GRB10: variants seen among roughly 807,000 people sequenced by gnomAD.
GRB10 encodes growth factor receptor-bound protein 10.
GRB10 carries 20 observed loss-of-function variants against 80.9 expected under a neutral mutation model. The observed-to-expected ratio is 0.25, with a 90% confidence interval of 0.17 to 0.36. The LOEUF (loss-of-function observed/expected upper bound fraction) is 0.36, where lower values mean the gene tolerates loss of function less well. Among genes scored for constraint, GRB10 ranks in the 10% least tolerant of loss-of-function variants. The pLI, the probability that GRB10 is intolerant of heterozygous loss-of-function variation, is 1.00. For missense variants in GRB10, 548 were observed against 747.7 expected (o/e 0.73, Z 3.12); for synonymous variants, 291 against 291.5 (o/e 1.00, Z 0.02).
chr7:50,616,312 T>C lies in GRB10; in HGVS notation c.882A>G (p.Gln294=), dbSNP rs1476319071. 6.2e-7 allele frequency: 1 copy of C among 1,614,072 alleles called. No individual in the cohort carries two copies. The highest frequency in any genetic ancestry group is 1.3e-5 in the African/African-American group (1 of 74,936). ...CCAGCTCTTTCACATGCAAAAACCC[T>C]TGAATTTCAGGACAACTACTGGAGT... The part of the protein sequence containing the change: ...FLNSSSCPEI[Q]GFLHVKELGK... The change falls in exon 11 of 19, where the codon CAA becomes CAG. Residue 294 remains glutamine (Q), a synonymous_variant. Transcript: ENST00000401949.
intron 5 of GRB10, among the ~76,000 whole-genome samples, chr7:50,699,679 A>G (rs530987050): frequency 9.9e-4 from 151 of 152,314 alleles, no homozygotes; most frequent in Admixed American, 3.5e-3. Context: ...TGTTTTACTT[A>G]GACCTTTTGT....
chr7:50,735,698 T>C (rs866117640), intron 3 of GRB10, among the ~76,000 whole-genome samples: 1 of 152,144 alleles, frequency 6.6e-6, no homozygotes, highest in African/African-American at 2.4e-5. Context: ...TAATAAAAAC[T>C]AATTAAAACT....
At chr7:50,713,479 A>T (rs1340676546) in intron 4 of GRB10, among the ~76,000 whole-genome samples, 1 of 146,914 alleles carries the variant, frequency 6.8e-6, no homozygotes, top group Non-Finnish European at 1.5e-5. Flanking sequence ...CACTTCAACC[A>T]ACTCCTCTAC....
At chr7:50,648,196 G>A (rs904388510) in intron 7 of GRB10, among the ~76,000 whole-genome samples, 2 of 152,132 alleles carry the variant, frequency 1.3e-5, no homozygotes, top group African/African-American at 4.8e-5. Flanking sequence ...CAGCAACGAT[G>A]GCTGAGAAGG....
intron 7 of GRB10, among the ~76,000 whole-genome samples, chr7:50,654,207 G>T (rs538127139): frequency 6.6e-6 from 1 of 152,342 alleles, no homozygotes; most frequent in South Asian, 2.1e-4. Context: ...CCTGAAGTGT[G>T]GGGAATGCCT....
chr7:50,712,302 G>A (rs775304070), intron 4 of GRB10, among the ~76,000 whole-genome samples: 10 of 152,226 alleles, frequency 6.6e-5, no homozygotes, highest in Non-Finnish European at 7.3e-5. Flanking sequence ...AAGGAAGCAA[G>A]AGGTTTTTAA....
chr7:50,792,756 G>A (rs2078985521), intron 1 of GRB10: 3 of 253,536 alleles, frequency 1.2e-5, no homozygotes, highest in Non-Finnish European at 1.5e-5. Context: ...CGGCCCCGCC[G>A]CGCAGTCGGA....
At chr7:50,720,318 TC>T (rs1299481935) in intron 4 of GRB10, among the ~76,000 whole-genome samples, 1 of 152,246 alleles carries the variant, frequency 6.6e-6, no homozygotes, top group Non-Finnish European at 1.5e-5. Flanking sequence ...GTAGCCAGTT[TC>T]GCAGAGTCTG....
At chr7:50,640,578 C>T (rs2056048949) in intron 7 of GRB10, among the ~76,000 whole-genome samples, 1 of 152,186 alleles carries the variant, frequency 6.6e-6, no homozygotes, top group African/African-American at 2.4e-5. Context: ...TATGCATTTT[C>T]CCTTGAGTCA....
chr7:50,660,900 T>C (rs1020472110), intron 7 of GRB10, among the ~76,000 whole-genome samples: 1 of 151,908 alleles, frequency 6.6e-6, no homozygotes, highest in African/African-American at 2.4e-5. Flanking sequence ...CCCCTCAGGG[T>C]CCCCAGCACT....
intron 7 of GRB10, among the ~76,000 whole-genome samples, chr7:50,648,661 T>TGGGCTTCC: frequency 6.6e-6 from 1 of 152,134 alleles, no homozygotes; most frequent in South Asian, 2.1e-4. Flanking sequence ...ACATCCCTCC[T>TGGGCTTCC]ACAGCTACTC....
In GRB10 at chr7:50,592,879, T is replaced by G; in HGVS notation, c.*73A>C. The G allele has an allele frequency of 6.5e-7, 1 of 1,533,946 alleles. No homozygotes were observed. Among genetic ancestry groups the G allele is most frequent in the East Asian group, 2.2e-5 (1 of 44,510 alleles). Reference sequence around the variant, plus strand: ...CAGGTGCAGAATCGATGTGTGTTCTTCACCAACGCACAGACCGCTTCTTCA... The same window carrying G: ...CAGGTGCAGAATCGATGTGTGTTCTGCACCAACGCACAGACCGCTTCTTCA... On this transcript the variant is annotated 3_prime_UTR_variant, in exon 19 of 19. Coordinates refer to ENST00000401949, the MANE Select transcript of GRB10 (RefSeq NM_001350814.2).
At position 50,592,659 on chromosome 7, in the gene GRB10, T is replaced by A; in HGVS notation, c.*293A>T. 2.1e-6 allele frequency: 1 copy of A among 475,350 alleles called. No homozygotes were observed. The highest frequency in any genetic ancestry group is 3.9e-6 in the Non-Finnish European group (1 of 258,816). 29.4% of individuals were successfully genotyped at this position (475,350 alleles called of 1,614,324 possible). A position where few individuals can be genotyped will look rare whatever the true frequency, so the allele number is the denominator to read the frequency against. ...ATCACTTCTCTCCGGTTCTTGTTCC[T>A]AAGCGGCCCAAGCCAAGATGATCAT... On this transcript the variant is annotated 3_prime_UTR_variant, in exon 19 of 19. Coordinates refer to ENST00000401949, the MANE Select transcript of GRB10 (RefSeq NM_001350814.2).
At position 50,650,263 on chromosome 7, in the gene GRB10, C is replaced by A. The variant is rs142536435; in HGVS notation, c.504+19459G>T. On this transcript the variant is annotated intron_variant, in intron 7 of 18. Coordinates refer to ENST00000401949, the MANE Select transcript of GRB10 (RefSeq NM_001350814.2). ...GCCACTGATCTTAACTAGAGGCAGG[C>A]CACAAGGCCCCTTGATGAGACCCAT... Among the ~76,000 whole-genome samples, 1,239 of 152,324 alleles carry A rather than the reference C, an allele frequency of 8.1e-3. 16 individuals are homozygous for A. Among genetic ancestry groups the A allele is most frequent in the African/African-American group, 0.028 (1,182 of 41,556 alleles).
chr7:50,672,165 C>T (rs574705041), intron 6 of GRB10, among the ~76,000 whole-genome samples: 405 of 152,304 alleles, frequency 2.7e-3, no homozygotes, highest in Non-Finnish European at 4.4e-3. Flanking sequence ...ACCCTGCCTG[C>T]CCCCCAGCTC....
At chr7:50,744,303 G>A (rs2072449904) in intron 3 of GRB10, among the ~76,000 whole-genome samples, 1 of 152,194 alleles carries the variant, frequency 6.6e-6, no homozygotes. Context: ...GCAGTATCAG[G>A]TGCTCCAGAG....
intron 7 of GRB10, among the ~76,000 whole-genome samples, chr7:50,661,022 C>T (rs1036172028): frequency 3.9e-5 from 6 of 152,308 alleles, no homozygotes; most frequent in African/African-American, 9.6e-5. Flanking sequence ...GGCTTGCCAG[C>T]GGGTGGAAGG....
intron 5 of GRB10, among the ~76,000 whole-genome samples, chr7:50,702,537 G>C (rs1241293592): frequency 6.6e-6 from 1 of 152,168 alleles, no homozygotes; most frequent in Non-Finnish European, 1.5e-5. Flanking sequence ...AATGTCAAGG[G>C]TGTGCTTAAA....
Position 50,592,560 on chromosome 7 carries a change from A to G in GRB10, c.*392T>C. On this transcript the variant is annotated 3_prime_UTR_variant, in exon 19 of 19. Transcript: ENST00000401949. ...TGAAAACAAAGAAGGAGTGCAAAAA[A>G]GTGATCAATACAAAAAAAGTAAACA... 3.5e-6 allele frequency: 1 copy of G among 288,014 alleles called. No individual in the cohort carries two copies. Among genetic ancestry groups the G allele is most frequent in the South Asian group, 3.8e-5 (1 of 26,338 alleles). 17.8% of individuals were successfully genotyped at this position (288,014 alleles called of 1,614,324 possible).
Sources: gnomAD v4.1 joint callset for allele counts (sites outside exome capture counted in the v4.1 genomes callset) on GRCh38, gnomAD v4.1.1 for gene constraint, MANE v1.5 for transcripts, NCBI Gene and HGNC (gene_info 2026-07-23, HGNC 2026-07-21) for gene names.